ALKAL2: variants seen among roughly 807,000 people sequenced by gnomAD.
ALKAL2 encodes the protein ALK and LTK ligand 2, also known as AUG-alpha.
A neutral mutation model predicts 18.5 loss-of-function variants in ALKAL2; 8 were observed. The ratio of observed to expected loss-of-function variants is 0.43; its 90% CI spans 0.25 to 0.78. ALKAL2 has a LOEUF of 0.78. Among genes scored for constraint, ALKAL2 ranks in the 30% least tolerant of loss-of-function variants. The probability of loss-of-function intolerance (pLI) is 0.22; values close to 1 mark genes in which losing one functional copy is unlikely to be tolerated. For missense variants in ALKAL2, 241 were observed against 211.2 expected, an observed-to-expected ratio of 1.14 and a Z score of -0.88; for synonymous variants, 135 against 95.8, an observed-to-expected ratio of 1.41 and a Z score of -2.39.
chr2:285,785 G>A (rs968761291), intron 4 of ALKAL2, among the ~76,000 whole-genome samples: 5 of 152,206 alleles, frequency 3.3e-5, no homozygotes, highest in African/African-American at 7.2e-5. Flanking sequence ...TATTCTTGGA[G>A]TCAGTTTAGC....
Position 288,036 on chromosome 2 carries a change from C to G in ALKAL2, c.-81G>C. 1.6e-6 allele frequency: 2 copies of G among 1,219,368 alleles called. No individual in the cohort carries two copies. Among genetic ancestry groups the G allele is most frequent in the Non-Finnish European group, 2.0e-6 (2 of 981,478 alleles). 75.5% of individuals were successfully genotyped at this position (1,219,368 alleles called of 1,614,324 possible). A position where few individuals can be genotyped will look rare whatever the true frequency, so the allele number is the denominator to read the frequency against. ...ACCTCCGCGGACCCCGAGGAACAAG[C>G]CGGCAGGTGAGGGAGCCGCGGTCTC... is the stretch of plus-strand genomic sequence containing the variant. On this transcript the variant is annotated 5_prime_UTR_variant, in exon 1 of 6. Coordinates refer to ENST00000403610, the MANE Select transcript of ALKAL2 (RefSeq NM_001002919.3).
rs867103687 is a variant in ALKAL2, at chr2:280,046, C to T, written c.*101G>A. 7.4e-7 allele frequency: 1 copy of T among 1,347,998 alleles called. No homozygotes were observed. Among genetic ancestry groups the T allele is most frequent in the East Asian group, 2.3e-5 (1 of 43,462 alleles). The allele number at this position is 1,347,998 out of a possible 1,614,324, so 83.5% of individuals were successfully genotyped here. ...GAAGAGTCTGTCTGCAAAAATAAATCTCTTGTCCATGAGGGGATGTGTATA... is the reference window on the plus strand; with the variant it reads ...GAAGAGTCTGTCTGCAAAAATAAATTTCTTGTCCATGAGGGGATGTGTATA... On this transcript the variant is annotated 3_prime_UTR_variant, in exon 6 of 6. Transcript: ENST00000403610.
chr2:286,493 C>T, intron 2 of ALKAL2, 150 bp from the exon 3 acceptor site: 1 of 606,170 alleles, frequency 1.6e-6, no homozygotes, highest in Non-Finnish European at 2.9e-6. Context: ...GATTGCAACA[C>T]ACGACAGTGA....
Position 287,813 on chromosome 2 carries a change from AG to A in ALKAL2, c.22del (p.Leu8SerfsTer84). On this transcript the variant is annotated frameshift_variant, in exon 2 of 6. Coordinates refer to ENST00000403610, the MANE Select transcript of ALKAL2 (RefSeq NM_001002919.3). LOFTEE classifies it high-confidence loss of function. MRGPGHP[L>X]LLGLLLVLGA... is the part of the protein sequence containing the mutation. ...CAGCACCAGCAGCAGCCCCAGGAGG[AG>A]GGGGTGCCCGGGTCCGCGCATCGTG... The A allele has an allele frequency of 7.8e-7, 1 of 1,284,804 alleles. No individual in the cohort carries two copies. Among genetic ancestry groups the A allele is most frequent in the Non-Finnish European group, 9.9e-7 (1 of 1,013,570 alleles). The allele number at this position is 1,284,804 out of a possible 1,614,324, so 79.6% of individuals were successfully genotyped here.
At position 287,585 on chromosome 2, in the gene ALKAL2, A is replaced by G; in HGVS notation, c.251T>C (p.Val84Ala). The change falls in exon 2 of 6, where the codon GTG becomes GCG. Residue 84 changes from valine (V) to alanine (A), a missense_variant and splice_region_variant. Transcript: ENST00000403610. ...CGGGCGCGCTCGGCCCCACTCACCC[A>G]CTCGCTGCTCCGGCGAAGGCCCCAG... ...AGLGPSPEQR[V>A]EIVPRDLRMK... 2 of 1,449,770 alleles carry G rather than the reference A, an allele frequency of 1.4e-6. No individual in the cohort carries two copies. The highest frequency in any genetic ancestry group is 1.8e-4 in the Middle Eastern group (1 of 5,712). The allele number at this position is 1,449,770 out of a possible 1,614,324, so 89.8% of individuals were successfully genotyped here.
intron 2 of ALKAL2, 77 bp downstream of exon 2, chr2:287,506 C>A: frequency 3.3e-6 from 3 of 902,296 alleles, no homozygotes; most frequent in Non-Finnish European, 4.5e-6. Flanking sequence ...ATTGATGTCT[C>A]TTTTTGAAAC....
At chr2:283,201 TGTCA>T in intron 4 of ALKAL2, 26 bp from the exon 5 acceptor site, 3 of 1,594,670 alleles carry the variant, frequency 1.9e-6, no homozygotes, top group Non-Finnish European at 2.6e-6. Context: ...ATCAGACTCT[TGTCA>T]GTTACTTAAA....
rs1444153191 is a variant in ALKAL2 at position 287,638 on chromosome 2, G to A, written c.198C>T (p.Cys66=). The change falls in exon 2 of 6, where the codon TGC becomes TGT. Residue 66 remains cysteine (C), a synonymous_variant. Coordinates refer to ENST00000403610, the MANE Select transcript of ALKAL2 (RefSeq NM_001002919.3). ...HKGLQLLGRD[C]ALGRAEAAGL... ...CCGCCGCCTCCGCGCGGCCCAGGGC[G>A]CAGTCCCGCCCGAGGAGCTGCAGGC... 2 of 1,481,246 alleles carry A rather than the reference G, an allele frequency of 1.4e-6. No individual in the cohort carries two copies. Among genetic ancestry groups the A allele is most frequent in the South Asian group, 1.3e-5 (1 of 78,334 alleles). The allele number at this position is 1,481,246 out of a possible 1,614,324, so 91.8% of individuals were successfully genotyped here.
At chr2:286,926 C>T (rs1255035822) in intron 2 of ALKAL2, 1 of 152,276 alleles carries the variant, frequency 6.6e-6, no homozygotes, top group East Asian at 1.9e-4. Context: ...CTTCTTCCAC[C>T]AGGGTTCTCC....
intron 2 of ALKAL2, chr2:286,998 CG>C (rs1398857099): frequency 6.6e-6 from 1 of 152,144 alleles, no homozygotes; most frequent in East Asian, 1.9e-4. Flanking sequence ...TTTGTTTTTG[CG>C]TATTTACAGC....
chr2:287,911 G>GT lies in ALKAL2; in HGVS notation c.-57-20_-57-19insA. The GT allele has an allele frequency of 1.5e-5, 19 of 1,246,200 alleles. No individual in the cohort carries two copies. The highest frequency in any genetic ancestry group is 1.9e-5 in the Non-Finnish European group (19 of 997,682). 77.2% of individuals were successfully genotyped at this position (1,246,200 alleles called of 1,614,324 possible). ...GGGCTCGCTGCGAGAGAAGGGGCGC[G>GT]GGGGGCCGGAGAGAAAGTCAGCGGG... On this transcript the variant is annotated intron_variant, in intron 1 of 5. Transcript: ENST00000403610.
At chr2:281,615 G>T (rs887394831) in intron 5 of ALKAL2, among the ~76,000 whole-genome samples, 1 of 152,160 alleles carries the variant, frequency 6.6e-6, no homozygotes, top group African/African-American at 2.4e-5. Context: ...CCTGCCTCCA[G>T]CAGCAGCCAG....
Position 287,501 on chromosome 2 carries a change from T to C in ALKAL2, c.253+82A>G, listed in dbSNP as rs1401119614. 4.9e-6 allele frequency: 5 copies of C among 1,014,864 alleles called. No individual in the cohort carries two copies. The African/African-American group carries it at 6.8e-5, about 14-fold the overall frequency. The allele number at this position is 1,014,864 out of a possible 1,614,324, so 62.9% of individuals were successfully genotyped here. A position where few individuals can be genotyped will look rare whatever the true frequency, so the allele number is the denominator to read the frequency against. On this transcript the variant is annotated intron_variant, in intron 2 of 5. Transcript: ENST00000403610. ...CCTGCTGTTCAGTGGTCAAAATTGA[T>C]GTCTCTTTTTGAAACGTGTTTCTCA...
rs1014749119 is a variant in ALKAL2 at position 287,910 on chromosome 2, C to CG, written c.-57-19dup. The stretch of plus-strand genomic sequence containing the variant: ...TGGGCTCGCTGCGAGAGAAGGGGCG[C>CG]GGGGGGCCGGAGAGAAAGTCAGCGG... On this transcript the variant is annotated intron_variant, in intron 1 of 5. Coordinates refer to ENST00000403610, the MANE Select transcript of ALKAL2 (RefSeq NM_001002919.3). 1.5e-5 allele frequency: 15 copies of CG among 1,021,898 alleles called. No homozygotes were observed. The Admixed American group carries it at 1.8e-4, about 12-fold the overall frequency. 63.3% of individuals were successfully genotyped at this position (1,021,898 alleles called of 1,614,324 possible). A position where few individuals can be genotyped will look rare whatever the true frequency, so the allele number is the denominator to read the frequency against.
intron 2 of ALKAL2, chr2:287,363 C>T (rs1670550027): frequency 2.5e-6 from 1 of 401,850 alleles, no homozygotes. Flanking sequence ...CCGACCCGCG[C>T]CGCAGCTCAC....
intron 2 of ALKAL2, chr2:286,942 C>G (rs928375363): frequency 6.6e-6 from 1 of 152,268 alleles, no homozygotes; most frequent in African/African-American, 2.4e-5. Flanking sequence ...TCTCCGCACA[C>G]AGTGGGTGGG....
rs1670563006 is a variant in ALKAL2 at position 287,594 on chromosome 2, T to C, written c.242A>G (p.Glu81Gly). 3 of 1,462,262 alleles carry C rather than the reference T, an allele frequency of 2.1e-6. No homozygotes were observed. The highest frequency in any genetic ancestry group is 1.3e-5 in the South Asian group (1 of 75,220). 90.6% of individuals were successfully genotyped at this position (1,462,262 alleles called of 1,614,324 possible). Residue 81 changes from glutamate to glycine, a missense_variant, in exon 2 of 6, where the codon GAG becomes GGG. By Grantham distance (98) the Glu-to-Gly change is moderately conservative (BLOSUM62 -2). Transcript: ENST00000403610. ...AEAAGLGPSP[E>G]QRVEIVPRDL... Reference sequence around the variant, plus strand: ...TCGGCCCCACTCACCCACTCGCTGCTCCGGCGAAGGCCCCAGCCCCGCCGC... The same window carrying C: ...TCGGCCCCACTCACCCACTCGCTGCCCCGGCGAAGGCCCCAGCCCCGCCGC...
rs775041937 is a variant in ALKAL2, at chr2:279,833, A to AT, written c.*313dup. 14 of 319,624 alleles carry AT rather than the reference A, an allele frequency of 4.4e-5. No individual in the cohort carries two copies. Among genetic ancestry groups the AT allele is most frequent in the Admixed American group, 1.4e-4 (3 of 21,976 alleles). 19.8% of individuals were successfully genotyped at this position (319,624 alleles called of 1,614,324 possible). A position where few individuals can be genotyped will look rare whatever the true frequency, so the allele number is the denominator to read the frequency against. ...ATTCTGCTTATGTTTCTAAAGAAAT[A>AT]TTTTTTGCGATTTCACCTAATGAAG... On this transcript the variant is annotated 3_prime_UTR_variant, in exon 6 of 6. Coordinates refer to ENST00000403610, the MANE Select transcript of ALKAL2 (RefSeq NM_001002919.3).
chr2:284,232 G>GCT (rs1670436111), intron 4 of ALKAL2, among the ~76,000 whole-genome samples: 1 of 152,166 alleles, frequency 6.6e-6, no homozygotes, highest in South Asian at 2.1e-4. Flanking sequence ...ACCACATCCT[G>GCT]CTCAACCCAG....
Sources: gnomAD v4.1 joint callset for allele counts (sites outside exome capture counted in the v4.1 genomes callset) on GRCh38, gnomAD v4.1.1 for gene constraint, MANE v1.5 for transcripts, NCBI Gene and HGNC (gene_info 2026-07-23, HGNC 2026-07-21) for gene names.